The following GRM8 variants were observed in gnomAD, a reference collection of about 807,000 sequenced individuals.
GRM8 encodes the protein glutamate metabotropic receptor 8.
GRM8 carries 47 observed loss-of-function variants against 87.2 expected under a neutral mutation model. The observed-to-expected ratio is 0.54, with a 90% CI of 0.43 to 0.69. The LOEUF is 0.69. GRM8 is among the 30% of genes least tolerant of loss of function. GRM8 has a pLI of 0.00. For synonymous variants in GRM8, 396 were observed against 404.5 expected (o/e 0.98, Z 0.25); for missense variants, 1,019 against 1,139.2 (o/e 0.89, Z 1.52).
At chr7:127,123,092 C>T (rs1438347222) in intron 2 of GRM8, among the ~76,000 whole-genome samples, 1 of 152,118 alleles carries the variant, frequency 6.6e-6, no homozygotes, top group East Asian at 1.9e-4. Flanking sequence ...TGCTAAGTGG[C>T]TACTATTGAA....
At chr7:127,006,003 C>T (rs958211845) in intron 3 of GRM8, among the ~76,000 whole-genome samples, 6 of 151,734 alleles carry the variant, frequency 4.0e-5, no homozygotes, top group African/African-American at 1.5e-4. Flanking sequence ...ACGTATTTTC[C>T]TCTGGCCTCA....
intron 6 of GRM8, among the ~76,000 whole-genome samples, chr7:126,849,419 A>G (rs1433211762): frequency 6.6e-6 from 1 of 152,232 alleles, no homozygotes; most frequent in Non-Finnish European, 1.5e-5. Flanking sequence ...ATTAAAGAGT[A>G]GAGAAGGTAA....
At chr7:127,100,390 G>T (rs6977479) in intron 3 of GRM8, among the ~76,000 whole-genome samples, 1 of 151,948 alleles carries the variant, frequency 6.6e-6, no homozygotes, top group South Asian at 2.1e-4. Flanking sequence ...AAAGGAGACT[G>T]AGAGCCCTCC....
chr7:126,889,249 T>C (rs1051869834), intron 6 of GRM8, among the ~76,000 whole-genome samples: 2 of 152,076 alleles, frequency 1.3e-5, no homozygotes, highest in African/African-American at 4.8e-5. Flanking sequence ...AAAATAAGCA[T>C]TTATCAAAAT....
chr7:126,853,917 G>T (rs1367684245), intron 6 of GRM8, among the ~76,000 whole-genome samples: 1 of 152,124 alleles, frequency 6.6e-6, no homozygotes, highest in African/African-American at 2.4e-5. Context: ...ATTGGCTCTG[G>T]CTGAGTCAGG....
chr7:127,164,338 A>C (rs1793305516), intron 2 of GRM8, among the ~76,000 whole-genome samples: 1 of 152,128 alleles, frequency 6.6e-6, no homozygotes, highest in Admixed American at 6.6e-5. Flanking sequence ...GTATCTCTTT[A>C]TAGCAGTGCA....
At chr7:126,971,917 AAAGC>A (rs368803481) in intron 3 of GRM8, among the ~76,000 whole-genome samples, 56 of 152,308 alleles carry the variant, frequency 3.7e-4, no homozygotes, top group African/African-American at 1.3e-3. Flanking sequence ...TATCACAAAG[AAAGC>A]ATTTCAAGAT....
chr7:126,938,325 T>C (rs1260028000), intron 3 of GRM8, among the ~76,000 whole-genome samples: 4 of 152,160 alleles, frequency 2.6e-5, no homozygotes, highest in Admixed American at 6.5e-5. Context: ...GGTGACTTCA[T>C]GGAGCCAAGC....
chr7:126,571,577 G>A (rs17683331), intron 8 of GRM8, among the ~76,000 whole-genome samples: 46,886 of 151,810 alleles, frequency 0.31, 8,120 homozygotes, highest in East Asian at 0.44. Flanking sequence ...CCTTCCCATA[G>A]GAACAAATAT....
chr7:126,780,906 G>A (rs535672350), intron 6 of GRM8, among the ~76,000 whole-genome samples: 1 of 152,306 alleles, frequency 6.6e-6, no homozygotes, highest in South Asian at 2.1e-4. Flanking sequence ...TAGGCAGATT[G>A]GGAGGTGATT....
intron 8 of GRM8, among the ~76,000 whole-genome samples, chr7:126,570,661 A>G (rs1240215044): frequency 6.6e-6 from 1 of 152,126 alleles, no homozygotes; most frequent in East Asian, 1.9e-4. Context: ...AAATTATAAA[A>G]CTACTAAAAA....
At chr7:127,083,626 A>C (rs1823113881) in intron 3 of GRM8, among the ~76,000 whole-genome samples, 1 of 146,032 alleles carries the variant, frequency 6.8e-6, no homozygotes, top group African/African-American at 2.6e-5. Context: ...AAGCCCCCAT[A>C]CTCCTTGCAT....
intron 7 of GRM8, among the ~76,000 whole-genome samples, chr7:126,619,570 T>C (rs1329485042): frequency 6.6e-6 from 1 of 152,076 alleles, no homozygotes. Flanking sequence ...ATATAACAAA[T>C]ATATTTGATT....
intron 3 of GRM8, chr7:127,090,990 A>T (rs1824006873): frequency 6.6e-6 from 1 of 152,262 alleles, no homozygotes; most frequent in Non-Finnish European, 1.5e-5. Context: ...CTAATGAAAG[A>T]TGTCTGTGGT....
At chr7:126,466,129 C>T (rs1229453647) in intron 9 of GRM8, among the ~76,000 whole-genome samples, 1 of 151,722 alleles carries the variant, frequency 6.6e-6, no homozygotes, top group Non-Finnish European at 1.5e-5. Context: ...AAATCTTGTT[C>T]TCAGTCTTTC....
chr7:126,444,316 C>T (rs781154374), intron 10 of GRM8, among the ~76,000 whole-genome samples: 4 of 152,094 alleles, frequency 2.6e-5, no homozygotes, highest in African/African-American at 7.2e-5. Context: ...TGCTAAGAGC[C>T]GAAATAGGTT....
chr7:126,989,297 T>C (rs1205860808), intron 3 of GRM8, among the ~76,000 whole-genome samples: 1 of 152,346 alleles, frequency 6.6e-6, no homozygotes, highest in East Asian at 1.9e-4. Flanking sequence ...GAATCTGTTT[T>C]TTTAAACTTT....
At chr7:126,920,343 A>C (rs945558947) in intron 3 of GRM8, among the ~76,000 whole-genome samples, 10 of 152,150 alleles carry the variant, frequency 6.6e-5, no homozygotes, top group African/African-American at 2.4e-4. Flanking sequence ...AAACACTCTA[A>C]TTCCTCCAAA....
intron 7 of GRM8, among the ~76,000 whole-genome samples, chr7:126,630,087 T>C (rs1269924594): frequency 6.6e-6 from 1 of 151,870 alleles, no homozygotes; most frequent in Non-Finnish European, 1.5e-5. Flanking sequence ...AACATGAAAT[T>C]CTTAACAAAA....
Sources: gnomAD v4.1 joint callset for allele counts (sites outside exome capture counted in the v4.1 genomes callset) on GRCh38, gnomAD v4.1.1 for gene constraint, MANE v1.5 for transcripts, NCBI Gene and HGNC (gene_info 2026-07-23, HGNC 2026-07-21) for gene names.